The following NFILZ variants were observed in gnomAD, a reference collection of about 807,000 sequenced individuals.
NFILZ encodes NFIL3 like basic leucine zipper, also known as NFIL3 like protein.
chr19:8,671,280 G>A (rs997412796), intron 3 of NFILZ, among the ~76,000 whole-genome samples: 4 of 152,062 alleles, frequency 2.6e-5, no homozygotes, highest in Admixed American at 2.6e-4. Flanking sequence ...GCCACCCTCC[G>A]TTAGCACTTC....
chr19:8,668,303 T>G (rs1449651260), intron 3 of NFILZ, among the ~76,000 whole-genome samples: 1 of 152,228 alleles, frequency 6.6e-6, no homozygotes, highest in Non-Finnish European at 1.5e-5. Context: ...CTTGTTATTT[T>G]TTTCAAATAC....
intron 2 of NFILZ, among the ~76,000 whole-genome samples, chr19:8,633,712 A>G (rs2042880728): frequency 6.6e-6 from 1 of 152,066 alleles, no homozygotes; most frequent in Non-Finnish European, 1.5e-5. Flanking sequence ...TGCCCAACTC[A>G]GCTCTTGTCC....
At chr19:8,674,321 TTTC>T (rs1182559650) in intron 3 of NFILZ, among the ~76,000 whole-genome samples, 3 of 152,124 alleles carry the variant, frequency 2.0e-5, no homozygotes, top group African/African-American at 7.2e-5. Context: ...CTAGACATAT[TTTC>T]TTCTTTTATT....
At chr19:8,656,453 ACC>A in intron 3 of NFILZ, among the ~76,000 whole-genome samples, 1 of 46,470 alleles carries the variant, frequency 2.2e-5, no homozygotes, top group African/African-American at 8.3e-5. Context: ...CTCGAAGCCC[ACC>A]TTCTCTCTGA....
chr19:8,647,789 GCGCGCGCACACACA>G (rs1472921479), intron 3 of NFILZ, among the ~76,000 whole-genome samples: 1,464 of 107,822 alleles, frequency 0.014, 9 homozygotes, highest in African/African-American at 0.032. Flanking sequence ...GCGCGCGCGC[GCGCGCGCACACACA>G]CACACACACA....
intron 3 of NFILZ, among the ~76,000 whole-genome samples, chr19:8,645,610 A>G (rs1405320138): frequency 6.6e-6 from 1 of 152,190 alleles, no homozygotes; most frequent in African/African-American, 2.4e-5. Flanking sequence ...GATTCTGGGA[A>G]AGTACACCTC....
At chr19:8,650,553 C>T (rs949762467) in intron 3 of NFILZ, among the ~76,000 whole-genome samples, 4 of 151,356 alleles carry the variant, frequency 2.6e-5, no homozygotes, top group Non-Finnish European at 5.9e-5. Context: ...ACTGGGGAGT[C>T]TGAGGCAGGA....
chr19:8,672,303 C>CA (rs201976806), intron 3 of NFILZ, among the ~76,000 whole-genome samples: 82 of 151,376 alleles, frequency 5.4e-4, no homozygotes, highest in Admixed American at 1.1e-3. Flanking sequence ...TTAGTTCATT[C>CA]AAAAAAAATC....
intron 3 of NFILZ, among the ~76,000 whole-genome samples, chr19:8,646,419 C>G (rs1469430188): frequency 6.6e-6 from 1 of 152,188 alleles, no homozygotes; most frequent in Non-Finnish European, 1.5e-5. Context: ...TCCAAGGCCA[C>G]ACAGCTGGCG....
rs1189619382 is a variant in NFILZ, at chr19:8,679,576, G to A, written c.*1941G>A. 2.0e-5 allele frequency among the ~76,000 whole-genome samples: 3 copies of A among 152,102 alleles called. No individual in the cohort carries two copies. Among genetic ancestry groups the A allele is most frequent in the African/African-American group, 7.2e-5 (3 of 41,398 alleles). On this transcript the variant is annotated 3_prime_UTR_variant, in exon 6 of 6. Coordinates refer to ENST00000691075, the MANE Select transcript of NFILZ (RefSeq NM_001378600.1). ...TCTCTCTCACTAGTACAACAGGTGGGCAGTATCACCAAACAGGCCAAGAGC... is the reference window on the plus strand; with the variant it reads ...TCTCTCTCACTAGTACAACAGGTGGACAGTATCACCAAACAGGCCAAGAGC...
chr19:8,645,359 C>T (rs1428794950), intron 3 of NFILZ, among the ~76,000 whole-genome samples: 2 of 148,712 alleles, frequency 1.3e-5, no homozygotes, highest in Non-Finnish European at 3.0e-5. Context: ...GGCTGGTCTT[C>T]AACTCCTGGC....
intron 3 of NFILZ, among the ~76,000 whole-genome samples, chr19:8,651,757 T>C (rs2042965813): frequency 6.6e-6 from 1 of 152,086 alleles, no homozygotes; most frequent in Admixed American, 6.6e-5. Context: ...GGTCTTGAAC[T>C]CCTGGCCTCA....
At chr19:8,639,314 C>T (rs2042908931) in intron 3 of NFILZ, among the ~76,000 whole-genome samples, 1 of 152,088 alleles carries the variant, frequency 6.6e-6, no homozygotes, top group South Asian at 2.1e-4. Flanking sequence ...TGGCGGCTCA[C>T]ACCTGTAACC....
At chr19:8,640,400 G>A (rs2042914360) in intron 3 of NFILZ, among the ~76,000 whole-genome samples, 1 of 143,978 alleles carries the variant, frequency 6.9e-6, no homozygotes, top group Non-Finnish European at 1.5e-5. Flanking sequence ...AACAGGAAAA[G>A]TTTACACACT....
intron 3 of NFILZ, among the ~76,000 whole-genome samples, chr19:8,640,891 G>A (rs868936542): frequency 6.6e-6 from 1 of 152,172 alleles, no homozygotes; most frequent in Non-Finnish European, 1.5e-5. Context: ...GTTCTGAGAC[G>A]AGGGTGCAGA....
chr19:8,632,293 C>T lies in NFILZ; in HGVS notation c.-410-183C>T, dbSNP rs142489303. 1.7e-3 allele frequency among the ~76,000 whole-genome samples: 262 copies of T among 150,014 alleles called. 1 individual carries two copies. Among genetic ancestry groups the T allele is most frequent in the African/African-American group, 6.3e-3 (252 of 39,890 alleles). On this transcript the variant is annotated intron_variant, in intron 1 of 5. Transcript: ENST00000691075. Reference sequence around the variant, plus strand: ...GTGTGTGTCAGGGGGTTATTTTTACCGCTGTTGTGTCAGAGACTTGTGAAC... The same window carrying T: ...GTGTGTGTCAGGGGGTTATTTTTACTGCTGTTGTGTCAGAGACTTGTGAAC...
intron 3 of NFILZ, among the ~76,000 whole-genome samples, chr19:8,665,264 G>A (rs192179041): frequency 2.0e-5 from 3 of 152,080 alleles, no homozygotes; most frequent in Non-Finnish European, 4.4e-5. Context: ...ATATGATTTG[G>A]CTTAGGGAAG....
chr19:8,667,208 A>AC (rs1367612234), intron 3 of NFILZ, among the ~76,000 whole-genome samples: 1 of 151,910 alleles, frequency 6.6e-6, no homozygotes, highest in East Asian at 1.9e-4. Context: ...ACCACAAACA[A>AC]CCCTTAGAGA....
At chr19:8,672,858 G>A (rs2043094796) in intron 3 of NFILZ, among the ~76,000 whole-genome samples, 1 of 152,146 alleles carries the variant, frequency 6.6e-6, no homozygotes. Flanking sequence ...ACTGGTTTTA[G>A]GAGTCTAAGA....
Sources: gnomAD v4.1 joint callset for allele counts (sites outside exome capture counted in the v4.1 genomes callset) on GRCh38, gnomAD v4.1.1 for gene constraint, MANE v1.5 for transcripts, NCBI Gene and HGNC (gene_info 2026-07-23, HGNC 2026-07-21) for gene names.